MAP3K13: variants seen among roughly 807,000 people sequenced by gnomAD.
The protein encoded by MAP3K13 is leucine zipper-bearing kinase.
Under a neutral mutation model 104.0 loss-of-function variants are expected in MAP3K13, and 52 were observed. That is an observed-to-expected ratio of 0.50 (90% CI 0.40 to 0.63). MAP3K13 has a LOEUF of 0.63. MAP3K13 is among the 20% of genes least tolerant of loss of function. The pLI is 0.00. For synonymous variants in MAP3K13, 394 were observed against 442.2 expected, an observed-to-expected ratio of 0.89 and a Z score of 1.37; for missense variants, 914 against 1,218.5, an observed-to-expected ratio of 0.75 and a Z score of 3.72.
chr3:185,471,451 CTTTTTTT>C (rs71164510), intron 10 of MAP3K13, among the ~76,000 whole-genome samples: 1 of 75,440 alleles, frequency 1.3e-5, no homozygotes, highest in African/African-American at 6.4e-5. Flanking sequence ...ACGACCTTTA[CTTTTTTT>C]TTTTTTTTTT....
chr3:185,344,749 C>T (rs1722852726), intron 2 of MAP3K13, among the ~76,000 whole-genome samples: 1 of 152,158 alleles, frequency 6.6e-6, no homozygotes, highest in Non-Finnish European at 1.5e-5. Flanking sequence ...GCGACTGTTT[C>T]CCACAGTGGC....
intron 8 of MAP3K13, among the ~76,000 whole-genome samples, chr3:185,464,923 G>A (rs1717322690): frequency 6.6e-6 from 1 of 152,010 alleles, no homozygotes; most frequent in African/African-American, 2.4e-5. Context: ...TTTATAAGGG[G>A]ACTCATCTCA....
chr3:185,420,303 T>G (rs1714043564), intron 1 of MAP3K13, among the ~76,000 whole-genome samples: 2 of 152,208 alleles, frequency 1.3e-5, no homozygotes, highest in Non-Finnish European at 2.9e-5. Context: ...TTTACCTGAT[T>G]TGAAGTCACA....
At chr3:185,284,214 A>C (rs758427225) in intron 1 of MAP3K13, among the ~76,000 whole-genome samples, 6 of 152,226 alleles carry the variant, frequency 3.9e-5, no homozygotes, top group Non-Finnish European at 7.4e-5. Flanking sequence ...TGAGAATTTT[A>C]ACTCACTAAA....
chr3:185,477,341 T>A lies in MAP3K13; in HGVS notation c.2446T>A (p.Ser816Thr). 1 of 1,611,550 alleles carries A rather than the reference T, an allele frequency of 6.2e-7. No homozygotes were observed. Among genetic ancestry groups the A allele is most frequent in the Non-Finnish European group, 8.5e-7 (1 of 1,177,718 alleles). ...TTCTCCTCAGAGTGGAGATGACTCC[T>A]CAGAAGAGGAAGAAGGGGAAGTAGA... Reference protein sequence around the residue: ...RPLQKSGDDSSEEEEGEVDSE... With the variant: ...RPLQKSGDDSTEEEEGEVDSE... Residue 816 changes from serine to threonine, a missense_variant, in exon 12 of 14, where the codon TCA becomes ACA. Physicochemically the swap from Ser to Thr is moderately conservative, Grantham distance 58. Around this residue, in one of 3 missense-constraint regions of MAP3K13, gnomAD observed 583 missense variants for 737.4 expected, o/e 0.79. Coordinates refer to ENST00000265026, the MANE Select transcript of MAP3K13 (RefSeq NM_004721.5).
At chr3:185,365,105 C>G (rs1413789414) in intron 1 of MAP3K13, among the ~76,000 whole-genome samples, 1 of 152,138 alleles carries the variant, frequency 6.6e-6, no homozygotes, top group Non-Finnish European at 1.5e-5. Flanking sequence ...GAAAGAAATA[C>G]AGTATGTACT....
intron 1 of MAP3K13, among the ~76,000 whole-genome samples, chr3:185,386,784 G>T (rs1711722879): frequency 6.6e-6 from 1 of 152,194 alleles, no homozygotes; most frequent in African/African-American, 2.4e-5. Flanking sequence ...ATTATCTTTA[G>T]CAAACTAATG....
Position 185,392,112 on chromosome 3 carries a change from G to T in MAP3K13, c.-86+28744G>T, listed in dbSNP as rs539453566. Among the ~76,000 whole-genome samples the T allele has an allele frequency of 6.3e-4, 96 of 152,182 alleles. No homozygotes were observed. The Middle Eastern group carries it at 0.01, about 16-fold the overall frequency. Reference sequence around the variant, plus strand: ...AAACAATAGCAGGTTTGAACATGTTGGATATAAGATAAAATTTATGAAAGA... The same window carrying T: ...AAACAATAGCAGGTTTGAACATGTTTGATATAAGATAAAATTTATGAAAGA... On this transcript the variant is annotated intron_variant, in intron 1 of 13. Coordinates refer to ENST00000265026, the MANE Select transcript of MAP3K13 (RefSeq NM_004721.5).
intron 1 of MAP3K13, among the ~76,000 whole-genome samples, chr3:185,408,476 G>A (rs951178948): frequency 5.3e-5 from 8 of 152,060 alleles, no homozygotes; most frequent in African/African-American, 1.9e-4. Context: ...GGAGGCTGAG[G>A]CAGAAGAATC....
rs1267318579 is a variant in MAP3K13, at chr3:185,465,783, G to C, written c.1425G>C (p.Lys475Asn). 7.4e-6 allele frequency: 12 copies of C among 1,614,124 alleles called. No individual in the cohort carries two copies. The highest frequency in any genetic ancestry group is 1.0e-5 in the Non-Finnish European group (12 of 1,179,966). Residue 475 changes from lysine to asparagine, a missense_variant, in exon 9 of 14, where the codon AAG (lysine) becomes AAC (asparagine). Physicochemically the swap from Lys to Asn is moderately conservative, Grantham distance 94. This residue lies in a region of MAP3K13 where 583 missense variants were observed against 737.4 expected (regional missense o/e 0.79). Coordinates refer to ENST00000265026, the MANE Select transcript of MAP3K13 (RefSeq NM_004721.5). ...ALDIREHYER[K>N]LERANNLYME... ...ATATTCGTGAACACTATGAGCGGAA[G>C]CTTGAGCGGGCGAATAATTTATACA...
At chr3:185,308,009 C>CTTTTTTTTTTTTTTTTTTTTTTTTTT (rs33949195) in intron 2 of MAP3K13, among the ~76,000 whole-genome samples, 17 of 31,574 alleles carry the variant, frequency 5.4e-4, no homozygotes, top group Non-Finnish European at 7.4e-4. Context: ...TCTTTGGGGT[C>CTTTTTTTTTTTTTTTTTTTTTTTTTT]TTTTTTTTTT....
At chr3:185,336,803 C>T (rs1344630549) in intron 2 of MAP3K13, among the ~76,000 whole-genome samples, 1 of 151,416 alleles carries the variant, frequency 6.6e-6, no homozygotes, top group Non-Finnish European at 1.5e-5. Flanking sequence ...AAAATTATTG[C>T]CCTCCCCTTA....
chr3:185,363,077 A>G (rs1723709243), upstream of MAP3K13: 4 of 984,636 alleles, frequency 4.1e-6, no homozygotes, highest in South Asian at 9.4e-5. Context: ...AAGGAAGGCC[A>G]TGTCTGCCTG....
intron 2 of MAP3K13, among the ~76,000 whole-genome samples, chr3:185,286,544 G>A (rs1160421179): frequency 2.6e-5 from 4 of 151,868 alleles, no homozygotes; most frequent in African/African-American, 9.7e-5. Flanking sequence ...CTTCAACAGA[G>A]GTCTAGTTAA....
upstream of MAP3K13, among the ~76,000 whole-genome samples, chr3:185,358,362 A>G (rs1049098226): frequency 3.3e-5 from 5 of 152,198 alleles, no homozygotes; most frequent in African/African-American, 1.2e-4. Flanking sequence ...CTCCATGTGA[A>G]TTCCTTACAT....
intron 2 of MAP3K13, among the ~76,000 whole-genome samples, chr3:185,305,404 C>G (rs1045102000): frequency 6.6e-6 from 1 of 152,100 alleles, no homozygotes; most frequent in African/African-American, 2.4e-5. Flanking sequence ...CTTCACATAT[C>G]CTCTACTTTA....
intron 1 of MAP3K13, among the ~76,000 whole-genome samples, chr3:185,404,194 G>T (rs974413621): frequency 1.3e-5 from 2 of 152,222 alleles, no homozygotes; most frequent in African/African-American, 2.4e-5. Context: ...AAATAGATAA[G>T]AACTTATTAC....
intron 12 of MAP3K13, among the ~76,000 whole-genome samples, chr3:185,478,537 C>A (rs1346096772): frequency 6.6e-6 from 1 of 152,082 alleles, no homozygotes; most frequent in African/African-American, 2.4e-5. Flanking sequence ...TGACCCCCAA[C>A]CAACTCACCC....
intron 7 of MAP3K13, among the ~76,000 whole-genome samples, chr3:185,461,579 T>C (rs1441816184): frequency 2.0e-5 from 3 of 152,216 alleles, no homozygotes; most frequent in Non-Finnish European, 4.4e-5. Flanking sequence ...ATTTTTTTTC[T>C]GAGATGGAGT....
Sources: gnomAD v4.1 joint callset for allele counts (sites outside exome capture counted in the v4.1 genomes callset) on GRCh38, gnomAD v4.1.1 for gene constraint, gnomAD v4.1.1 regional missense constraint, MANE v1.5 for transcripts, NCBI Gene and HGNC (gene_info 2026-07-23, HGNC 2026-07-21) for gene names.